The following TOX2 variants were observed in gnomAD, a reference collection of about 807,000 sequenced individuals.
The protein encoded by TOX2 is TOX high mobility group box family member 2.
Under a neutral mutation model 47.4 loss-of-function variants are expected in TOX2, and 15 were observed. The observed-to-expected ratio is 0.32, with a 90% CI of 0.21 to 0.49. The LOEUF (loss-of-function observed/expected upper bound fraction) is 0.49, where lower values mean the gene tolerates loss of function less well. TOX2 is among the 20% of genes least tolerant of loss of function. TOX2 has a pLI of 0.99. For missense variants in TOX2, 622 were observed against 673.1 expected (o/e 0.92, Z 0.84); for synonymous variants, 290 against 296.6 (o/e 0.98, Z 0.23).
At chr20:44,020,644 G>A (rs1191314307) in intron 3 of TOX2, among the ~76,000 whole-genome samples, 1 of 152,122 alleles carries the variant, frequency 6.6e-6, no homozygotes, top group Non-Finnish European at 1.5e-5. Context: ...CATTGCCTGG[G>A]GACCTGTTAG....
At chr20:44,038,947 T>TCC in intron 3 of TOX2, 1 of 1,183,954 alleles carries the variant, frequency 8.4e-7, no homozygotes, top group South Asian at 1.6e-5. Flanking sequence ...TCCTGCTGCC[T>TCC]CCGTGTCTCC....
intron 2 of TOX2, among the ~76,000 whole-genome samples, chr20:43,989,782 A>G (rs1306789838): frequency 5.4e-5 from 7 of 129,158 alleles, no homozygotes; most frequent in African/African-American, 1.2e-4. Flanking sequence ...TCTGTCTCAG[A>G]AAAAAAAAAA....
At chr20:43,998,333 G>A (rs1379033333) in intron 2 of TOX2, among the ~76,000 whole-genome samples, 1 of 152,120 alleles carries the variant, frequency 6.6e-6, no homozygotes, top group Non-Finnish European at 1.5e-5. Flanking sequence ...AGTGTAGTTA[G>A]GTCTTAGAAT....
intron 4 of TOX2, 117 bp from the exon 5 acceptor site, chr20:44,054,182 G>C (rs1254950420): frequency 9.4e-7 from 1 of 1,066,844 alleles, no homozygotes; most frequent in Non-Finnish European, 1.4e-6. Flanking sequence ...TCGCGCGAGT[G>C]GTTATCTGTG....
At chr20:44,058,767 C>T (rs533748960) in intron 5 of TOX2, among the ~76,000 whole-genome samples, 5 of 152,294 alleles carry the variant, frequency 3.3e-5, no homozygotes, top group East Asian at 1.9e-4. Flanking sequence ...CCGGTAGCTC[C>T]GCTGGGTGGC....
At chr20:43,934,571 C>T (rs1253573085) in intron 1 of TOX2, among the ~76,000 whole-genome samples, 1 of 151,928 alleles carries the variant, frequency 6.6e-6, no homozygotes, top group Admixed American at 6.6e-5. Flanking sequence ...GGAATTACTG[C>T]AGACCTGACT....
At chr20:43,951,710 T>TTTTTTTTTTTTTTTTTG (rs2069574188) in intron 1 of TOX2, among the ~76,000 whole-genome samples, 1 of 113,282 alleles carries the variant, frequency 8.8e-6, no homozygotes, top group Admixed American at 8.7e-5. Flanking sequence ...TTATTATGTT[T>TTTTTTTTTTTTTTTTTG]TTTTTTTTTT....
intron 1 of TOX2, among the ~76,000 whole-genome samples, chr20:43,937,878 T>C (rs1032265863): frequency 6.6e-6 from 1 of 152,178 alleles, no homozygotes; most frequent in Admixed American, 6.5e-5. Context: ...GCCAGAATCA[T>C]GATCATAAAT....
chr20:44,053,159 C>G (rs1440531953), intron 4 of TOX2, among the ~76,000 whole-genome samples: 3 of 152,228 alleles, frequency 2.0e-5, no homozygotes, highest in African/African-American at 7.2e-5. Context: ...CAGAGACCCA[C>G]TGAGGTCTGT....
At chr20:44,055,602 G>A (rs58336901) in intron 5 of TOX2, among the ~76,000 whole-genome samples, 33,640 of 152,184 alleles carry the variant, frequency 0.22, 4,416 homozygotes, top group South Asian at 0.34. Context: ...CCTGTTCTAA[G>A]AGGAGAGAAA....
At chr20:43,947,266 T>C (rs192932011) in intron 1 of TOX2, among the ~76,000 whole-genome samples, 7 of 152,372 alleles carry the variant, frequency 4.6e-5, no homozygotes, top group Admixed American at 2.6e-4. Flanking sequence ...ATCCATAAAA[T>C]GGGGACACTG....
At chr20:44,029,070 T>G (rs2071108485) in intron 3 of TOX2, among the ~76,000 whole-genome samples, 1 of 152,098 alleles carries the variant, frequency 6.6e-6, no homozygotes. Flanking sequence ...GTCCCTTCCT[T>G]GGCCACAGTG....
chr20:43,978,301 C>T (rs2070115164), intron 2 of TOX2, among the ~76,000 whole-genome samples: 1 of 152,142 alleles, frequency 6.6e-6, no homozygotes, highest in African/African-American at 2.4e-5. Context: ...CAGCCAGACT[C>T]CAGCCACCAA....
At chr20:44,022,191 G>C (rs867162175) in intron 3 of TOX2, among the ~76,000 whole-genome samples, 9 of 152,150 alleles carry the variant, frequency 5.9e-5, no homozygotes, top group Middle Eastern at 3.2e-3. Flanking sequence ...TGAGAGGGGG[G>C]TCAGCACATT....
chr20:43,916,770 T>C lies in TOX2; in HGVS notation c.99+1780T>C, dbSNP rs2069059436. 6.6e-6 allele frequency among the ~76,000 whole-genome samples: 1 copy of C among 152,058 alleles called. No homozygotes were observed. On this transcript the variant is annotated intron_variant, in intron 1 of 8. Transcript: ENST00000341197. The surrounding 1 kb of genome is among the most constrained non-coding windows in gnomAD (Gnocchi z 5.0). ...TGGGCTGGGCATTTGTGCCTCAAAG[T>C]CTGAGTGGGTGGGGGTTTAGCCTGG...
rs546918841 is a variant in TOX2 at position 44,003,277 on chromosome 20, C to T, written c.166-3270C>T. On this transcript the variant is annotated intron_variant, in intron 2 of 8. Transcript: ENST00000341197. ...TCACAGCTCACTTCAGCCTTGACAT[C>T]CTGGGCTCAAATGATCCTCCACCTC... Among the ~76,000 whole-genome samples the T allele has an allele frequency of 2.6e-5, 4 of 151,662 alleles. No individual in the cohort carries two copies. In the South Asian group the frequency reaches 8.4e-4, roughly 32 times the overall value.
At chr20:44,026,455 G>T (rs1465438716) in intron 3 of TOX2, among the ~76,000 whole-genome samples, 2 of 151,134 alleles carry the variant, frequency 1.3e-5, no homozygotes, top group African/African-American at 2.4e-5. Context: ...GGACTTTGGG[G>T]ACTCAGGGAG....
intron 2 of TOX2, among the ~76,000 whole-genome samples, chr20:43,976,599 GA>G (rs1354676567): frequency 6.6e-6 from 1 of 152,178 alleles, no homozygotes; most frequent in Non-Finnish European, 1.5e-5. Flanking sequence ...CCACATGTAG[GA>G]AACATATGGG....
In TOX2 at chr20:43,916,372, C is replaced by T. The variant is rs1485951438; in HGVS notation, c.99+1382C>T. On this transcript the variant is annotated intron_variant, in intron 1 of 8. Coordinates refer to ENST00000341197, the MANE Select transcript of TOX2 (RefSeq NM_001098797.2). This position sits in a 1 kb window ranked among gnomAD's most constrained non-coding sequence, Gnocchi z 5.0. ...GGCCTCCCTGAGTGCGCCCTCAGGC[C>T]CCAGGGGAGCGGCTTCTGGCAAAGC... Among the ~76,000 whole-genome samples, 1 of 152,228 alleles carries T rather than the reference C, an allele frequency of 6.6e-6. No individual in the cohort carries two copies. The highest frequency in any genetic ancestry group is 1.5e-5 in the Non-Finnish European group (1 of 68,042).
Sources: gnomAD v4.1 joint callset for allele counts (sites outside exome capture counted in the v4.1 genomes callset) on GRCh38, gnomAD v4.1.1 for gene constraint, Gnocchi (gnomAD v3.1) non-coding constraint, MANE v1.5 for transcripts, NCBI Gene and HGNC (gene_info 2026-07-23, HGNC 2026-07-21) for gene names.